LRRC37B: variants seen among roughly 807,000 people sequenced by gnomAD.
LRRC37B encodes leucine-rich repeat-containing protein 37B.
A neutral mutation model predicts 98.3 loss-of-function variants in LRRC37B; 28 were observed. That is an observed-to-expected ratio of 0.28 (90% CI 0.21 to 0.39). The LOEUF (loss-of-function observed/expected upper bound fraction) is 0.39, where lower values mean the gene tolerates loss of function less well. Ranked by LOEUF, LRRC37B falls within the 10% of genes least tolerant of loss-of-function variation. LRRC37B has a pLI of 1.00. For missense variants in LRRC37B, 938 were observed against 1,182.7 expected, an observed-to-expected ratio of 0.79 and a Z score of 3.03; for synonymous variants, 364 against 442.7, an observed-to-expected ratio of 0.82 and a Z score of 2.23.
rs866407295 is a variant in LRRC37B, at chr17:32,042,094, G to A, written c.2205-3606G>A. On this transcript the variant is annotated intron_variant, in intron 7 of 11. Transcript: ENST00000327564. ...TGCACTCCTTCTCCCCAAGGCCAGG[G>A]CAGAGGGCCTCACTGTTTCCCTGGC... 4.2e-4 allele frequency: 138 copies of A among 325,464 alleles called. No individual in the cohort carries two copies. In the Middle Eastern group the frequency reaches 5.6e-3, roughly 13 times the overall value. The allele number at this position is 325,464 out of a possible 1,614,324, so 20.2% of individuals were successfully genotyped here.
intron 1 of LRRC37B, among the ~76,000 whole-genome samples, chr17:32,009,019 G>A (rs1368448022): frequency 6.6e-6 from 1 of 152,156 alleles, no homozygotes; most frequent in Non-Finnish European, 1.5e-5. Context: ...GTTTTCCAAA[G>A]TAGCTGTACC....
upstream of LRRC37B, chr17:32,016,818 A>G (rs1910655856): frequency 6.6e-6 from 1 of 152,232 alleles, no homozygotes; most frequent in Admixed American, 6.5e-5. Flanking sequence ...ATCCTAATTT[A>G]GTAGGCCTGG....
intron 7 of LRRC37B, chr17:32,041,931 C>T (rs1390891880): frequency 9.4e-6 from 4 of 424,092 alleles, no homozygotes; most frequent in South Asian, 3.4e-5. Flanking sequence ...TCGAGTTCCA[C>T]GGCCTTAACA....
chr17:32,048,689 A>T (rs1183337869), intron 9 of LRRC37B, among the ~76,000 whole-genome samples: 2 of 152,222 alleles, frequency 1.3e-5, no homozygotes, highest in African/African-American at 4.8e-5. Flanking sequence ...GAAGGCCAAA[A>T]AGATTAGAAA....
upstream of LRRC37B, chr17:32,007,906 C>T: frequency 2.6e-6 from 2 of 780,988 alleles, no homozygotes; most frequent in Non-Finnish European, 1.7e-6. This position sits in a 1 kb window ranked among gnomAD's most constrained non-coding sequence, Gnocchi z 4.1. Context: ...TAGCCCGGAC[C>T]ACCGCAGCCC....
chr17:32,033,190 G>T (rs898603129), intron 5 of LRRC37B, among the ~76,000 whole-genome samples: 17 of 151,984 alleles, frequency 1.1e-4, no homozygotes, highest in African/African-American at 3.9e-4. Context: ...CGTTGGTCAG[G>T]CTGGTCTGGA....
chr17:32,032,720 G>A (rs1245035373), intron 5 of LRRC37B, among the ~76,000 whole-genome samples: 1 of 152,162 alleles, frequency 6.6e-6, no homozygotes, highest in Non-Finnish European at 1.5e-5. Flanking sequence ...TTAACTTAGG[G>A]AAGACACACT....
intron 7 of LRRC37B, among the ~76,000 whole-genome samples, chr17:32,038,049 C>A (rs934602925): frequency 1.3e-5 from 2 of 151,782 alleles, no homozygotes; most frequent in African/African-American, 4.8e-5. Flanking sequence ...ATGGCGTTAT[C>A]CCAGGGGGTG....
At chr17:32,022,768 G>C (rs1388677248) in exon 1 of LRRC37B, 1 of 1,613,992 alleles carries the variant, frequency 6.2e-7, no homozygotes, top group South Asian at 1.1e-5. Flanking sequence ...CCAAAGCAGA[G>C]GCTCCGCCAA....
chr17:32,033,047 C>T (rs1185796626), intron 5 of LRRC37B, among the ~76,000 whole-genome samples: 1 of 152,128 alleles, frequency 6.6e-6, no homozygotes, highest in Non-Finnish European at 1.5e-5. Context: ...ACATGTAATC[C>T]TAGCTACTCA....
chr17:32,047,831 G>A, exon 9 of LRRC37B: 1 of 1,614,094 alleles, frequency 6.2e-7, no homozygotes, highest in Non-Finnish European at 8.5e-7. Context: ...AGCAGCACAT[G>A]AGCACTCAGC....
upstream of LRRC37B, chr17:32,020,840 C>G: frequency 1.2e-6 from 1 of 836,932 alleles, no homozygotes; most frequent in Non-Finnish European, 1.7e-6. Context: ...GCCGTGCCCC[C>G]ACCCCACCCC....
At chr17:32,011,174 T>G (rs1910517187) in intron 1 of LRRC37B, among the ~76,000 whole-genome samples, 1 of 151,842 alleles carries the variant, frequency 6.6e-6, no homozygotes, top group Non-Finnish European at 1.5e-5. Context: ...TTTTTGTATT[T>G]TTAGAAGAGA....
chr17:32,026,192 A>G (rs1203891669), intron 2 of LRRC37B, among the ~76,000 whole-genome samples: 1 of 152,226 alleles, frequency 6.6e-6, no homozygotes, highest in Admixed American at 6.5e-5. Context: ...TGACTTATAT[A>G]GACAAGACAT....
intron 7 of LRRC37B, among the ~76,000 whole-genome samples, chr17:32,039,583 TTTATATATTTATATATA>T (rs1911366379): frequency 7.5e-6 from 1 of 133,320 alleles, no homozygotes; most frequent in Non-Finnish European, 1.6e-5. Flanking sequence ...CTATATATAT[TTTATATATTTATATATA>T]TTATATATAT....
rs1227991619 is a variant in LRRC37B at position 32,024,843 on chromosome 17, C to T, written c.1832+61C>T. On this transcript the variant is annotated intron_variant, in intron 2 of 11. Transcript: ENST00000327564. The stretch of plus-strand genomic sequence containing the variant: ...ACTGCATTGTAAGATCCTTCTTGGT[C>T]CAGAATTTTGAGGTCCATACCTCTG... The T allele has an allele frequency of 6.3e-6, 10 of 1,580,300 alleles. No individual in the cohort carries two copies. In the East Asian group the frequency reaches 1.1e-4, roughly 18 times the overall value.
upstream of LRRC37B, chr17:32,007,859 A>T: frequency 8.7e-7 from 1 of 1,143,136 alleles, no homozygotes. This position sits in a 1 kb window ranked among gnomAD's most constrained non-coding sequence, Gnocchi z 4.1. Context: ...CGCCGGCACC[A>T]GCGCACGGGC....
At chr17:32,046,223 C>T (rs531760201) in intron 8 of LRRC37B, among the ~76,000 whole-genome samples, 4 of 152,118 alleles carry the variant, frequency 2.6e-5, no homozygotes, top group South Asian at 4.2e-4. Flanking sequence ...GATGTAGATC[C>T]GGTTTTGTTT....
intron 5 of LRRC37B, chr17:32,033,861 TAAAC>T (rs1038342957): frequency 2.6e-4 from 39 of 152,346 alleles, no homozygotes; most frequent in African/African-American, 7.2e-4. Context: ...TATTGACAGA[TAAAC>T]AAAATGTCAT....
Sources: gnomAD v4.1 joint callset for allele counts (sites outside exome capture counted in the v4.1 genomes callset) on GRCh38, gnomAD v4.1.1 for gene constraint, Gnocchi (gnomAD v3.1) non-coding constraint, MANE v1.5 for transcripts, NCBI Gene and HGNC (gene_info 2026-07-23, HGNC 2026-07-21) for gene names.